Variants in ARRB1 observed in about 807,000 individuals in gnomAD.
ARRB1 encodes arrestin beta 1.
A neutral mutation model predicts 56.8 loss-of-function variants in ARRB1; 21 were observed. The observed-to-expected ratio is 0.37, with a 90% CI of 0.26 to 0.53. ARRB1 has a LOEUF of 0.53. ARRB1 is among the 20% of genes least tolerant of loss of function. The pLI, the probability that ARRB1 is intolerant of heterozygous loss-of-function variation, is 0.88. For missense variants in ARRB1, 424 were observed against 553.7 expected, an observed-to-expected ratio of 0.77 and a Z score of 2.35; for synonymous variants, 210 against 218.6, an observed-to-expected ratio of 0.96 and a Z score of 0.35.
intron 1 of ARRB1, among the ~76,000 whole-genome samples, chr11:75,321,626 C>A (rs1039475326): frequency 3.3e-5 from 5 of 152,038 alleles, no homozygotes; most frequent in African/African-American, 1.2e-4. Flanking sequence ...TGGTTGGAAC[C>A]GGCTAGAGGG....
intron 1 of ARRB1, among the ~76,000 whole-genome samples, chr11:75,341,743 T>C (rs1947695785): frequency 6.6e-6 from 1 of 151,744 alleles, no homozygotes; most frequent in Non-Finnish European, 1.5e-5. Flanking sequence ...CCTTAAAGAG[T>C]CCCTCGCTGA....
At position 75,284,252 on chromosome 11, in the gene ARRB1, T is replaced by A. The variant is rs200182832; in HGVS notation, c.140A>T (p.Tyr47Phe). The change falls in exon 4 of 16, where the codon TAT becomes TTT. Residue 47 changes from tyrosine (Y) to phenylalanine (F), a missense_variant. By Grantham distance (22) the Tyr-to-Phe change is conservative (BLOSUM62 3). Coordinates refer to ENST00000420843, the MANE Select transcript of ARRB1 (RefSeq NM_004041.5). ...CAGCCTACCTCTCCGCTCTTTGAGA[T>A]ACTCAGGATCCACCAGGACCACACC... is the stretch of plus-strand genomic sequence containing the variant. ...VDGVVLVDPE[Y>F]LKERRVYVTL... 3.7e-6 allele frequency: 6 copies of A among 1,609,122 alleles called. No individual in the cohort carries two copies. Among genetic ancestry groups the A allele is most frequent in the Non-Finnish European group, 5.1e-6 (6 of 1,176,572 alleles).
At chr11:75,279,658 T>C (rs987973679) in intron 7 of ARRB1, among the ~76,000 whole-genome samples, 2 of 152,134 alleles carry the variant, frequency 1.3e-5, no homozygotes, top group Admixed American at 6.5e-5. Flanking sequence ...TTTTCTCCTT[T>C]TTAAATTTTT....
rs78052828 is a variant in ARRB1, at chr11:75,266,189, C to T, written c.1231G>A (p.Gly411Ser). The part of the protein sequence containing the change: ...DDKEEEEDGT[G>S]SPQLNNR ...TATCTGTTGTTGAGCTGTGGAGAGC[C>T]GGTACCATCCTCCTCTTCCTCCTTG... Residue 411 changes from glycine to serine, a missense_variant, in exon 16 of 16, where the codon GGC (glycine) becomes AGC (serine). By Grantham distance (56) the Gly-to-Ser change is moderately conservative (BLOSUM62 0). Transcript: ENST00000420843. 134 of 1,614,218 alleles carry T rather than the reference C, an allele frequency of 8.3e-5. 1 individual carries two copies. Among genetic ancestry groups the T allele is most frequent in the East Asian group, 8.2e-4 (37 of 44,886 alleles).
intron 5 of ARRB1, 147 bp downstream of exon 5, chr11:75,283,140 C>A: frequency 1.2e-6 from 1 of 815,460 alleles, no homozygotes; most frequent in East Asian, 2.7e-5. Context: ...CCAGGTAACA[C>A]AGGTGACAGT....
At position 75,283,313 on chromosome 11, in the gene ARRB1, C is replaced by T. The variant is rs376614186; in HGVS notation, c.328G>A (p.Glu110Lys). The change falls in exon 5 of 16, where the codon GAG (glutamate) becomes AAG (lysine). Residue 110 changes from glutamate (E) to lysine (K), a missense_variant. Coordinates refer to ENST00000420843, the MANE Select transcript of ARRB1 (RefSeq NM_004041.5). ...TCAAAGGTGAAAGGGTAAGCGTGCT[C>T]GCCCAGCTTCTTGATGAGGCGTTCC... Reference protein sequence around the residue: ...LQERLIKKLGEHAYPFTFEIP... With the variant: ...LQERLIKKLGKHAYPFTFEIP... The T allele has an allele frequency of 1.9e-6, 3 of 1,612,340 alleles. No individual in the cohort carries two copies. Among genetic ancestry groups the T allele is most frequent in the Admixed American group, 1.7e-5 (1 of 59,816 alleles).
chr11:75,318,007 G>A (rs1020269209), intron 1 of ARRB1, among the ~76,000 whole-genome samples: 1 of 152,130 alleles, frequency 6.6e-6, no homozygotes, highest in Admixed American at 6.5e-5. Context: ...AGACGCTTAG[G>A]TCCCCTAAGG....
intron 1 of ARRB1, among the ~76,000 whole-genome samples, chr11:75,297,146 G>C (rs762766901): frequency 3.3e-5 from 5 of 151,914 alleles, no homozygotes; most frequent in Non-Finnish European, 7.4e-5. Flanking sequence ...AGATGCCTAC[G>C]CTCCCCTAAT....
chr11:75,296,851 G>A (rs1946762111), intron 1 of ARRB1, among the ~76,000 whole-genome samples: 1 of 152,006 alleles, frequency 6.6e-6, no homozygotes, highest in African/African-American at 2.4e-5. Flanking sequence ...CTAATTTTTT[G>A]TATTTTAGTA....
At chr11:75,332,560 T>C (rs1265735446) in intron 1 of ARRB1, among the ~76,000 whole-genome samples, 3 of 152,222 alleles carry the variant, frequency 2.0e-5, no homozygotes, top group African/African-American at 7.2e-5. Flanking sequence ...ATCCCAAGTC[T>C]TTAGACAAAC....
chr11:75,283,557 C>G, intron 4 of ARRB1, 74 bp from the exon 5 acceptor site: 9 of 1,433,324 alleles, frequency 6.3e-6, no homozygotes, highest in Admixed American at 2.4e-5. Context: ...CCGGCAGCAG[C>G]CCTGGGACGG....
intron 1 of ARRB1, among the ~76,000 whole-genome samples, chr11:75,330,751 G>A (rs577709074): frequency 3.3e-5 from 5 of 152,240 alleles, no homozygotes; most frequent in African/African-American, 1.2e-4. Flanking sequence ...TTCCAGGCCC[G>A]GCTGAGCACT....
chr11:75,334,791 A>G (rs1947576588), intron 1 of ARRB1, among the ~76,000 whole-genome samples: 1 of 152,152 alleles, frequency 6.6e-6, no homozygotes, highest in Non-Finnish European at 1.5e-5. Context: ...GCTCTAACCT[A>G]TGACAGATCT....
intron 1 of ARRB1, among the ~76,000 whole-genome samples, chr11:75,338,385 G>C (rs2134987308): frequency 6.6e-6 from 1 of 152,304 alleles, no homozygotes; most frequent in Non-Finnish European, 1.5e-5. Flanking sequence ...AGTACTTTGG[G>C]AGCCATGTCT....
chr11:75,320,627 A>G (rs1947333514), intron 1 of ARRB1, among the ~76,000 whole-genome samples: 1 of 152,040 alleles, frequency 6.6e-6, no homozygotes, highest in Admixed American at 6.5e-5. Flanking sequence ...CCACATGGTA[A>G]CTCCGATTCC....
chr11:75,322,370 G>A (rs374747617), intron 1 of ARRB1, among the ~76,000 whole-genome samples: 1 of 152,198 alleles, frequency 6.6e-6, no homozygotes, highest in Non-Finnish European at 1.5e-5. Context: ...GCCAGGCATG[G>A]TGGCACATGC....
intron 13 of ARRB1, 136 bp downstream of exon 13, chr11:75,271,565 C>G: frequency 1.0e-6 from 1 of 961,506 alleles, no homozygotes; most frequent in Non-Finnish European, 1.5e-6. Flanking sequence ...TCTCCCAGCT[C>G]ACACCTGAAC....
chr11:75,313,928 T>C (rs1240689328), intron 1 of ARRB1, among the ~76,000 whole-genome samples: 1 of 152,200 alleles, frequency 6.6e-6, no homozygotes, highest in East Asian at 1.9e-4. Context: ...TTGCAGGCAT[T>C]TTCTCAGTCA....
At chr11:75,274,265 C>A in intron 10 of ARRB1, 54 bp from the exon 11 acceptor site, 1 of 1,599,278 alleles carries the variant, frequency 6.3e-7, no homozygotes, top group Admixed American at 1.7e-5. Flanking sequence ...CCAACCCCAG[C>A]CCTGATCTCC....
Sources: gnomAD v4.1 joint callset for allele counts (sites outside exome capture counted in the v4.1 genomes callset) on GRCh38, gnomAD v4.1.1 for gene constraint, MANE v1.5 for transcripts, NCBI Gene and HGNC (gene_info 2026-07-23, HGNC 2026-07-21) for gene names.